CCNY: variants seen among roughly 807,000 people sequenced by gnomAD.
The protein encoded by CCNY is cyclin-Y.
Under a neutral mutation model 42.8 loss-of-function variants are expected in CCNY, and 19 were observed. That is an observed-to-expected ratio of 0.44 (90% CI 0.31 to 0.65). The LOEUF (loss-of-function observed/expected upper bound fraction) is 0.65. Among genes scored for constraint, CCNY ranks in the 30% least tolerant of loss-of-function variants. The probability of loss-of-function intolerance (pLI) is 0.07; values close to 1 mark genes in which losing one functional copy is unlikely to be tolerated. For synonymous variants in CCNY, 165 were observed against 162.7 expected (o/e 1.01, Z -0.11); for missense variants, 370 against 437.3 (o/e 0.85, Z 1.37).
intron 4 of CCNY, among the ~76,000 whole-genome samples, chr10:35,524,869 A>T (rs1245878321): frequency 6.6e-6 from 1 of 152,244 alleles, no homozygotes; most frequent in Non-Finnish European, 1.5e-5. Flanking sequence ...GAGTTGAAAC[A>T]GATGCTGGTG....
intron 3 of CCNY, among the ~76,000 whole-genome samples, chr10:35,264,848 C>T (rs1381906702): frequency 6.6e-6 from 1 of 152,118 alleles, no homozygotes; most frequent in Non-Finnish European, 1.5e-5. Flanking sequence ...AGGCTGGTCT[C>T]AAACTCCTGA....
At chr10:35,400,101 T>C (rs1028263784) in intron 1 of CCNY, among the ~76,000 whole-genome samples, 10 of 152,172 alleles carry the variant, frequency 6.6e-5, no homozygotes, top group Non-Finnish European at 1.3e-4. Flanking sequence ...CCTTGCCTGA[T>C]TTTAGCCCTG....
intron 1 of CCNY, among the ~76,000 whole-genome samples, chr10:35,453,406 T>C (rs1838961059): frequency 6.6e-6 from 1 of 152,220 alleles, no homozygotes; most frequent in Non-Finnish European, 1.5e-5. Flanking sequence ...ACTAGACATA[T>C]AGGTTGTTGT....
At chr10:35,369,441 G>A (rs1173276693) in intron 1 of CCNY, among the ~76,000 whole-genome samples, 1 of 152,214 alleles carries the variant, frequency 6.6e-6, no homozygotes, top group Non-Finnish European at 1.5e-5. Context: ...AGCTGTTTTT[G>A]TAATCCCTGA....
At chr10:35,397,730 G>T (rs1033492253) in intron 1 of CCNY, among the ~76,000 whole-genome samples, 1 of 152,192 alleles carries the variant, frequency 6.6e-6, no homozygotes, top group African/African-American at 2.4e-5. Flanking sequence ...GGAGATTCCA[G>T]AATTATGGAG....
chr10:35,394,882 A>G, intron 1 of CCNY: 1 of 982,864 alleles, frequency 1.0e-6, no homozygotes, highest in East Asian at 1.1e-4. Flanking sequence ...GAATACTGTG[A>G]GTCTGTGCCT....
intron 1 of CCNY, among the ~76,000 whole-genome samples, chr10:35,408,422 T>C (rs1009739598): frequency 6.6e-6 from 1 of 152,146 alleles, no homozygotes; most frequent in Non-Finnish European, 1.5e-5. Flanking sequence ...GGATTATCAT[T>C]AGTTCTTACA....
At chr10:35,330,848 C>A (rs1835935539) in intron 3 of CCNY, among the ~76,000 whole-genome samples, 1 of 151,974 alleles carries the variant, frequency 6.6e-6, no homozygotes, top group South Asian at 2.1e-4. Flanking sequence ...CCTCCACCTC[C>A]TGGGTTCAAG....
At chr10:35,387,569 AGAAAG>A (rs933776919) in intron 1 of CCNY, among the ~76,000 whole-genome samples, 3 of 152,336 alleles carry the variant, frequency 2.0e-5, no homozygotes, top group Non-Finnish European at 2.9e-5. Flanking sequence ...AGGTGGGTAA[AGAAAG>A]GAAAGGAATC....
At chr10:35,466,876 G>A (rs913507896) in intron 1 of CCNY, among the ~76,000 whole-genome samples, 2 of 152,234 alleles carry the variant, frequency 1.3e-5, no homozygotes, top group South Asian at 2.1e-4. Context: ...GGGGTCAAGC[G>A]ATCCTCCTGC....
chr10:35,261,166 G>A (rs919735570), intron 3 of CCNY, among the ~76,000 whole-genome samples: 7 of 151,552 alleles, frequency 4.6e-5, no homozygotes, highest in African/African-American at 1.7e-4. Context: ...TGAGGAAGGA[G>A]GATCGCTTGA....
At chr10:35,464,391 A>AT (rs941289100) in intron 1 of CCNY, among the ~76,000 whole-genome samples, 20 of 151,964 alleles carry the variant, frequency 1.3e-4, no homozygotes, top group Admixed American at 3.9e-4. Context: ...CCTTGGGCTC[A>AT]TTTTTTTCAC....
chr10:35,305,501 G>C (rs2135079062), intron 3 of CCNY, among the ~76,000 whole-genome samples: 1 of 152,302 alleles, frequency 6.6e-6, no homozygotes, highest in African/African-American at 2.4e-5. Flanking sequence ...TGTGTTCACT[G>C]TAACCTAGTA....
intron 3 of CCNY, among the ~76,000 whole-genome samples, chr10:35,302,311 T>G (rs1367824241): frequency 3.1e-5 from 4 of 128,692 alleles, no homozygotes; most frequent in Non-Finnish European, 4.8e-5. Context: ...GACATCTTAA[T>G]TTTTTTTTTT....
chr10:35,386,004 G>C (rs924750117), intron 1 of CCNY, among the ~76,000 whole-genome samples: 1 of 149,168 alleles, frequency 6.7e-6, no homozygotes, highest in Admixed American at 6.7e-5. Flanking sequence ...TTGTCTTTCT[G>C]TTTTTTTTTT....
intron 3 of CCNY, among the ~76,000 whole-genome samples, chr10:35,291,926 T>C (rs1435594484): frequency 2.0e-5 from 3 of 152,230 alleles, no homozygotes; most frequent in African/African-American, 4.8e-5. Flanking sequence ...GATAACCCTA[T>C]GTTTAACCTT....
intron 1 of CCNY, among the ~76,000 whole-genome samples, chr10:35,406,186 T>TTC: frequency 1.4e-5 from 2 of 147,844 alleles, no homozygotes; most frequent in African/African-American, 5.0e-5. Flanking sequence ...TTTTTCTTTT[T>TTC]TTTTTTCTTT....
chr10:35,360,769 T>C (rs1836667355), intron 1 of CCNY, among the ~76,000 whole-genome samples: 1 of 152,152 alleles, frequency 6.6e-6, no homozygotes, highest in Non-Finnish European at 1.5e-5. Flanking sequence ...ATATACAATG[T>C]ATAACTTAAA....
chr10:35,366,630 T>G (rs752664712), intron 1 of CCNY, among the ~76,000 whole-genome samples: 4 of 152,204 alleles, frequency 2.6e-5, no homozygotes, highest in Non-Finnish European at 4.4e-5. Context: ...AGCTGGACAT[T>G]TGGGCTGCAT....
Sources: gnomAD v4.1 joint callset for allele counts (sites outside exome capture counted in the v4.1 genomes callset) on GRCh38, gnomAD v4.1.1 for gene constraint, MANE v1.5 for transcripts, NCBI Gene and HGNC (gene_info 2026-07-23, HGNC 2026-07-21) for gene names.